The following GLI2 variants were observed in gnomAD, a reference collection of about 807,000 sequenced individuals.
GLI2 encodes transcription activator GLI2.
In GLI2, 22 loss-of-function variants were observed where a neutral mutation model predicts 78.9. That is an observed-to-expected ratio of 0.28 (90% CI 0.20 to 0.40). The LOEUF is 0.40. GLI2 is among the 10% of genes least tolerant of loss of function. The pLI, the probability that GLI2 is intolerant of heterozygous loss-of-function variation, is 1.00. For synonymous variants in GLI2, 974 were observed against 963.7 expected (o/e 1.01, Z -0.20); for missense variants, 2,097 against 2,213.2 (o/e 0.95, Z 1.05).
At chr2:120,922,038 C>G (rs1013682984) in intron 2 of GLI2, among the ~76,000 whole-genome samples, 1 of 152,200 alleles carries the variant, frequency 6.6e-6, no homozygotes, top group South Asian at 2.1e-4. Context: ...CTTCATCCCC[C>G]TCTGACACTA....
chr2:120,951,293 G>A lies in GLI2; in HGVS notation c.305G>A (p.Arg102Gln), dbSNP rs148442092. 126 of 1,612,542 alleles carry A rather than the reference G, an allele frequency of 7.8e-5. No individual in the cohort carries two copies. The African/African-American group carries it at 1.0e-3, about 13-fold the overall frequency. ...GTCATCTCTGACATCTCCTTGATCC[G>A]GCTTTCCCCGCACCCGGCTGGCCCT... is the stretch of plus-strand genomic sequence containing the variant. ...SPVISDISLI[R>Q]LSPHPAGPGE... The change falls in exon 4 of 14, where the codon CGG (arginine) becomes CAG (glutamine). Residue 102 changes from arginine (R) to glutamine (Q), a missense_variant. Arg to Gln is a conservative substitution (Grantham distance 43). Transcript: ENST00000361492.
Position 120,990,689 on chromosome 2 carries a change from T to C in GLI2, c.*14T>C. The C allele has an allele frequency of 2.5e-6, 4 of 1,604,360 alleles. No individual in the cohort carries two copies. The South Asian group carries it at 3.3e-5, about 13-fold the overall frequency. ...ATGATGACCTAGAGGCCCGAGCGCC[T>C]GGTGCTGAGTGCACCCGGAGGGGTC... On this transcript the variant is annotated 3_prime_UTR_variant, in exon 14 of 14. Coordinates refer to ENST00000361492, the MANE Select transcript of GLI2 (RefSeq NM_001374353.1).
At chr2:120,826,125 G>C (rs904683611) in intron 2 of GLI2, among the ~76,000 whole-genome samples, 2 of 152,214 alleles carry the variant, frequency 1.3e-5, no homozygotes, top group African/African-American at 4.8e-5. Context: ...CAACCCGGCT[G>C]GGTGGGGTGG....
intron 2 of GLI2, among the ~76,000 whole-genome samples, chr2:120,837,393 CAAA>C (rs768947767): frequency 7.8e-5 from 6 of 76,990 alleles, no homozygotes; most frequent in African/African-American, 1.4e-4. Context: ...GACTCCATCT[CAAA>C]AAAAAAAAAA....
intron 2 of GLI2, among the ~76,000 whole-genome samples, chr2:120,806,055 T>C (rs908983872): frequency 2.6e-5 from 4 of 152,238 alleles, no homozygotes; most frequent in Non-Finnish European, 4.4e-5. Flanking sequence ...CAACTCAGTA[T>C]GCGCCGGAGG....
intron 3 of GLI2, among the ~76,000 whole-genome samples, chr2:120,949,385 G>C (rs1383642688): frequency 2.0e-5 from 3 of 152,246 alleles, no homozygotes; most frequent in African/African-American, 7.2e-5. Context: ...TGATTCTGAA[G>C]GTACCTCTGA....
intron 3 of GLI2, among the ~76,000 whole-genome samples, chr2:120,927,871 T>C (rs949017415): frequency 4.6e-5 from 7 of 152,214 alleles, no homozygotes; most frequent in Non-Finnish European, 1.0e-4. Context: ...TGTCCCCCTT[T>C]GAATAGTAAA....
intron 3 of GLI2, among the ~76,000 whole-genome samples, chr2:120,950,100 A>G (rs6747449): frequency 0.025 from 3,880 of 152,228 alleles, 184 homozygotes; most frequent in African/African-American, 0.088. Flanking sequence ...TCTCTGGCAC[A>G]GTTTTGGGGA....
At chr2:120,875,418 A>G (rs1257207847) in intron 2 of GLI2, among the ~76,000 whole-genome samples, 2 of 152,204 alleles carry the variant, frequency 1.3e-5, no homozygotes, top group Non-Finnish European at 2.9e-5. Context: ...GGAGGAGGGT[A>G]TATGGGGAAG....
At chr2:120,780,091 A>G (rs1238419894) in intron 1 of GLI2, among the ~76,000 whole-genome samples, 1 of 151,944 alleles carries the variant, frequency 6.6e-6, no homozygotes, top group Non-Finnish European at 1.5e-5. Flanking sequence ...TGGCACATAA[A>G]TACCTTTGGG....
chr2:120,986,378 C>T lies in GLI2; in HGVS notation c.2006C>T (p.Thr669Met), dbSNP rs758298657. The change falls in exon 13 of 14, where the codon ACG (threonine) becomes ATG (methionine). Residue 669 changes from threonine to methionine, a missense_variant. This residue lies in a region of GLI2 where 68 missense variants were observed against 104.4 expected (regional missense o/e 0.65). Transcript: ENST00000361492. ...GACAGTGGCGTGGAGATGCCGGGGA[C>T]GGGGCCCGGGAGCCTGGGAGACCTG... ...NNDSGVEMPG[T>M]GPGSLGDLTA... 62 of 1,613,398 alleles carry T rather than the reference C, an allele frequency of 3.8e-5. No individual in the cohort carries two copies. Among genetic ancestry groups the T allele is most frequent in the Admixed American group, 8.3e-5 (5 of 59,988 alleles).
chr2:120,807,483 C>T (rs779491290), intron 2 of GLI2, among the ~76,000 whole-genome samples: 2 of 152,108 alleles, frequency 1.3e-5, no homozygotes, highest in African/African-American at 2.4e-5. Flanking sequence ...CTGAGGGTAG[C>T]GCATACGTTC....
intron 2 of GLI2, among the ~76,000 whole-genome samples, chr2:120,848,232 G>A (rs1283357378): frequency 1.3e-5 from 2 of 152,240 alleles, no homozygotes; most frequent in Non-Finnish European, 2.9e-5. Context: ...AATAGTCCTG[G>A]AAGGGGCGGC....
intron 1 of GLI2, among the ~76,000 whole-genome samples, chr2:120,769,498 C>A (rs575974941): frequency 1.3e-5 from 2 of 152,314 alleles, no homozygotes; most frequent in Non-Finnish European, 2.9e-5. Context: ...AGAGACCTGG[C>A]CCAGCGCTCC....
At chr2:120,749,373 AT>A (rs200865491) in intron 1 of GLI2, among the ~76,000 whole-genome samples, 42 of 152,306 alleles carry the variant, frequency 2.8e-4, no homozygotes, top group Middle Eastern at 3.4e-3. Flanking sequence ...GTAGAGCTGT[AT>A]TTTAAAAAAA....
chr2:120,812,223 A>G (rs1051933513), intron 2 of GLI2, among the ~76,000 whole-genome samples: 2 of 152,186 alleles, frequency 1.3e-5, no homozygotes, highest in African/African-American at 4.8e-5. Flanking sequence ...CTGCAGGCTG[A>G]AGAGCGGGTT....
intron 2 of GLI2, among the ~76,000 whole-genome samples, chr2:120,872,604 C>G (rs1688521455): frequency 6.6e-6 from 1 of 152,232 alleles, no homozygotes; most frequent in African/African-American, 2.4e-5. Context: ...GGAAGGCCAC[C>G]TAGCCCAGTG....
intron 2 of GLI2, among the ~76,000 whole-genome samples, chr2:120,915,357 T>C (rs1679040739): frequency 6.6e-6 from 1 of 152,230 alleles, no homozygotes; most frequent in East Asian, 1.9e-4. Context: ...ATTTCCTGTC[T>C]GATTTTAATT....
At chr2:120,849,592 G>A (rs1687305744) in intron 2 of GLI2, among the ~76,000 whole-genome samples, 2 of 152,134 alleles carry the variant, frequency 1.3e-5, no homozygotes, top group Non-Finnish European at 2.9e-5. Flanking sequence ...GGCATTTGGG[G>A]GTCTCCCTAT....
Sources: gnomAD v4.1 joint callset for allele counts (sites outside exome capture counted in the v4.1 genomes callset) on GRCh38, gnomAD v4.1.1 for gene constraint, gnomAD v4.1.1 regional missense constraint, MANE v1.5 for transcripts, NCBI Gene and HGNC (gene_info 2026-07-23, HGNC 2026-07-21) for gene names.